The following RIN3 variants were observed in gnomAD, a reference collection of about 807,000 sequenced individuals.
The protein encoded by RIN3 is RAB5 interacting protein 3.
Under a neutral mutation model 76.3 loss-of-function variants are expected in RIN3, and 54 were observed. That is an observed-to-expected ratio of 0.71 (90% confidence interval 0.57 to 0.89). The LOEUF (loss-of-function observed/expected upper bound fraction) is 0.89, where lower values mean the gene tolerates loss of function less well. RIN3 is among the 40% of genes least tolerant of loss of function. RIN3 has a pLI of 0.00. For missense variants in RIN3, 1,256 were observed against 1,322.1 expected (o/e 0.95, Z 0.78); for synonymous variants, 576 against 564.0 (o/e 1.02, Z -0.30).
chr14:92,626,663 G>A (rs374607434), intron 4 of RIN3, among the ~76,000 whole-genome samples: 1 of 152,146 alleles, frequency 6.6e-6, no homozygotes, highest in Non-Finnish European at 1.5e-5. Flanking sequence ...CAGAGTATAA[G>A]GGGGAGGAAT....
chr14:92,552,075 G>C lies in RIN3; in HGVS notation c.45-3676G>C, dbSNP rs10141252. ...GTGATGGAGTGGAGCCCTTTGTAGG[G>C]GGTGTCTGGGGTTGAGGGGCAGAGG... is the stretch of plus-strand genomic sequence containing the variant. On this transcript the variant is annotated intron_variant, in intron 1 of 9. Transcript: ENST00000216487. 4.2e-3 allele frequency among the ~76,000 whole-genome samples: 638 copies of C among 152,326 alleles called. 2 individuals are homozygous for C. Among genetic ancestry groups the C allele is most frequent in the African/African-American group, 0.015 (613 of 41,554 alleles).
chr14:92,637,034 G>C (rs563898340), intron 4 of RIN3, among the ~76,000 whole-genome samples: 9 of 152,292 alleles, frequency 5.9e-5, no homozygotes, highest in African/African-American at 2.2e-4. Context: ...TTGGCACCAG[G>C]GACCACTTTC....
intron 4 of RIN3, among the ~76,000 whole-genome samples, chr14:92,635,602 A>G (rs55977629): frequency 6.6e-6 from 1 of 152,014 alleles, no homozygotes; most frequent in Non-Finnish European, 1.5e-5. Flanking sequence ...CTGTAATCCC[A>G]GCACTTCGGG....
At chr14:92,525,702 G>A (rs1896710752) in intron 1 of RIN3, among the ~76,000 whole-genome samples, 1 of 152,194 alleles carries the variant, frequency 6.6e-6, no homozygotes, top group African/African-American at 2.4e-5. Flanking sequence ...AGGTGCCAAA[G>A]CCCCCAATTC....
At chr14:92,614,871 G>A (rs1885891822) in intron 3 of RIN3, among the ~76,000 whole-genome samples, 1 of 133,360 alleles carries the variant, frequency 7.5e-6, no homozygotes, top group Non-Finnish European at 1.5e-5. Flanking sequence ...TTGAGACAGA[G>A]TCTCACTCTG....
At chr14:92,532,828 G>A (rs959047723) in intron 1 of RIN3, among the ~76,000 whole-genome samples, 3 of 152,224 alleles carry the variant, frequency 2.0e-5, no homozygotes, top group Non-Finnish European at 4.4e-5. Flanking sequence ...CTGGGTAGGA[G>A]AAGGCAGCCA....
chr14:92,661,262 C>A (rs1185289633), intron 7 of RIN3, among the ~76,000 whole-genome samples: 2 of 152,218 alleles, frequency 1.3e-5, no homozygotes, highest in Non-Finnish European at 1.5e-5. Flanking sequence ...GAAGGGCAGG[C>A]CAGTTTGGCC....
In RIN3 at chr14:92,659,360, C is replaced by A. The variant is rs750483367; in HGVS notation, c.2226C>A (p.Ile742=). ...SVPEVPMMEK[I]LQKFTSMHKA... is the part of the protein sequence containing the mutation. ...CGGAGGTGCCCATGATGGAGAAGAT[C>A]CTGCAGAAGTTCACCAGCATGCACA... Residue 742 remains isoleucine, a synonymous_variant, in exon 7 of 10, where the codon ATC becomes ATA. Coordinates refer to ENST00000216487, the MANE Select transcript of RIN3 (RefSeq NM_024832.5). 1.9e-6 allele frequency: 3 copies of A among 1,612,564 alleles called. No homozygotes were observed. The South Asian group carries it at 3.3e-5, about 18-fold the overall frequency.
intron 7 of RIN3, among the ~76,000 whole-genome samples, chr14:92,674,008 C>T (rs575517914): frequency 1.3e-5 from 2 of 152,268 alleles, no homozygotes; most frequent in Non-Finnish European, 2.9e-5. Context: ...TAACTTTTTC[C>T]ACCTGGTTCA....
chr14:92,643,594 A>G lies in RIN3; in HGVS notation c.532+2265A>G, dbSNP rs1033315339. Among the ~76,000 whole-genome samples the G allele has an allele frequency of 6.6e-6, 1 of 152,190 alleles. No individual in the cohort carries two copies. Among genetic ancestry groups the G allele is most frequent in the Admixed American group, 6.5e-5 (1 of 15,282 alleles). On this transcript the variant is annotated intron_variant, in intron 5 of 9. Coordinates refer to ENST00000216487, the MANE Select transcript of RIN3 (RefSeq NM_024832.5). This position sits in a 1 kb window ranked among gnomAD's most constrained non-coding sequence, Gnocchi z 4.8. ...GGTTCGATGACACCGACCATTGCAG[A>G]GCACTTGGCATTGTCTTATGTCATT...
intron 1 of RIN3, among the ~76,000 whole-genome samples, chr14:92,537,767 TC>T (rs1474118950): frequency 5.3e-5 from 8 of 150,220 alleles, no homozygotes; most frequent in African/African-American, 2.0e-4. Flanking sequence ...TTCTCCTGCC[TC>T]AGCCTCCTGG....
chr14:92,669,524 G>C (rs1339346693), intron 7 of RIN3, among the ~76,000 whole-genome samples: 1 of 152,216 alleles, frequency 6.6e-6, no homozygotes, highest in African/African-American at 2.4e-5. Flanking sequence ...TGGGAATCAT[G>C]GTGGAAAGCG....
At chr14:92,662,856 G>A (rs897910025) in intron 7 of RIN3, among the ~76,000 whole-genome samples, 1 of 150,348 alleles carries the variant, frequency 6.7e-6, no homozygotes, top group African/African-American at 2.4e-5. Flanking sequence ...TTTTTAACAC[G>A]GGGTCTCTTT....
At chr14:92,606,145 CAAAA>C (rs10573887) in intron 3 of RIN3, among the ~76,000 whole-genome samples, 4 of 95,960 alleles carry the variant, frequency 4.2e-5, no homozygotes, top group Non-Finnish European at 4.2e-5. Flanking sequence ...GAGCCAGTCT[CAAAA>C]AAAAAAAAAA....
rs539256594 is a variant in RIN3 at position 92,683,651 on chromosome 14, C to T, written c.2468-1336C>T. ...CAACATGGGCAACATAGCTAGACCC[C>T]TTCTCTATAGAAAATGTAAAAATCA... On this transcript the variant is annotated intron_variant, in intron 8 of 9. Transcript: ENST00000216487. 3.9e-5 allele frequency among the ~76,000 whole-genome samples: 6 copies of T among 152,240 alleles called. No individual in the cohort carries two copies. In the South Asian group the frequency reaches 8.3e-4, roughly 21 times the overall value.
Position 92,688,213 on chromosome 14 carries a change from C to A in RIN3, c.2919C>A (p.Ser973Arg). The part of the protein sequence containing the change: ...LDGGGGGGGG[S>R]PPCLVVREPN... ...GTGGTGGCGGCGGCGGCGGCGGGAG[C>A]CCGCCCTGCCTGGTGGTGCGGGAGC... is the stretch of plus-strand genomic sequence containing the variant. The change falls in exon 10 of 10, where the codon AGC becomes AGA. Residue 973 changes from serine (S) to arginine (R), a missense_variant. Physicochemically the swap from Ser to Arg is moderately radical, Grantham distance 110. This residue lies in a region of RIN3 where 218 missense variants were observed against 174.5 expected (regional missense o/e 1.25). Coordinates refer to ENST00000216487, the MANE Select transcript of RIN3 (RefSeq NM_024832.5). 1 of 1,602,364 alleles carries A rather than the reference C, an allele frequency of 6.2e-7. No homozygotes were observed. Among genetic ancestry groups the A allele is most frequent in the Non-Finnish European group, 8.5e-7 (1 of 1,176,244 alleles).
intron 7 of RIN3, among the ~76,000 whole-genome samples, chr14:92,665,292 C>A (rs1317968366): frequency 6.6e-6 from 1 of 151,730 alleles, no homozygotes; most frequent in African/African-American, 2.4e-5. Context: ...TCTCATGGAA[C>A]CACCGTCATA....
intron 8 of RIN3, among the ~76,000 whole-genome samples, chr14:92,679,653 G>T (rs1267650636): frequency 6.6e-6 from 1 of 152,188 alleles, no homozygotes; most frequent in Non-Finnish European, 1.5e-5. Flanking sequence ...TGGGGTGGTG[G>T]TGCAGAGGTA....
At chr14:92,576,437 T>C (rs1898235064) in intron 2 of RIN3, 1 of 1,282,780 alleles carries the variant, frequency 7.8e-7, no homozygotes, top group Non-Finnish European at 1.0e-6. Context: ...AGCCATGGTT[T>C]TATCAGAAGA....
Sources: allele counts gnomAD v4.1 joint callset (sites outside exome capture counted in the v4.1 genomes callset), GRCh38; gene constraint gnomAD v4.1.1; regional missense constraint gnomAD v4.1.1; non-coding constraint Gnocchi (gnomAD v3.1); transcripts MANE v1.5; gene names NCBI Gene and HGNC (gene_info 2026-07-23, HGNC 2026-07-21).